Variants in PCSK2 observed in about 807,000 individuals in gnomAD.
PCSK2 encodes the protein proprotein convertase subtilisin/kexin type 2.
A neutral mutation model predicts 69.7 loss-of-function variants in PCSK2; 14 were observed. That is an observed-to-expected ratio of 0.20 (90% CI 0.13 to 0.31). The LOEUF is 0.31. PCSK2 is among the 10% of genes least tolerant of loss of function. The probability of loss-of-function intolerance (pLI) is 1.00; values close to 1 mark genes in which losing one functional copy is unlikely to be tolerated. For missense variants in PCSK2, 544 were observed against 842.5 expected, an observed-to-expected ratio of 0.65 and a Z score of 4.39; for synonymous variants, 307 against 320.7, an observed-to-expected ratio of 0.96 and a Z score of 0.46.
intron 6 of PCSK2, among the ~76,000 whole-genome samples, chr20:17,412,749 A>G (rs187332204): frequency 1.9e-3 from 296 of 152,350 alleles, no homozygotes; most frequent in African/African-American, 6.8e-3. Flanking sequence ...CAAAGTTGAA[A>G]TGAAGGAAAA....
At chr20:17,359,322 G>A (rs1010576214) in intron 3 of PCSK2, among the ~76,000 whole-genome samples, 5 of 152,164 alleles carry the variant, frequency 3.3e-5, no homozygotes, top group South Asian at 2.1e-4. Flanking sequence ...AATTGAATGA[G>A]TGTACTTGTA....
chr20:17,326,856 G>T (rs1990069539), intron 2 of PCSK2, among the ~76,000 whole-genome samples: 1 of 152,192 alleles, frequency 6.6e-6, no homozygotes, highest in African/African-American at 2.4e-5. Context: ...GCATGGAGAG[G>T]GCTCCTGTCA....
intron 8 of PCSK2, among the ~76,000 whole-genome samples, chr20:17,438,903 T>A (rs1223745794): frequency 6.6e-6 from 1 of 152,144 alleles, no homozygotes; most frequent in Non-Finnish European, 1.5e-5. Flanking sequence ...TGGAGTTCCT[T>A]CCCCTCTGTA....
intron 5 of PCSK2, among the ~76,000 whole-genome samples, chr20:17,380,171 CTA>C (rs1345782784): frequency 6.6e-6 from 1 of 152,178 alleles, no homozygotes; most frequent in African/African-American, 2.4e-5. Flanking sequence ...TTTTAAGCCA[CTA>C]TGTTTGTAAT....
At chr20:17,368,278 T>C (rs1325601351) in intron 4 of PCSK2, among the ~76,000 whole-genome samples, 1 of 152,148 alleles carries the variant, frequency 6.6e-6, no homozygotes, top group Non-Finnish European at 1.5e-5. Flanking sequence ...GCATACCACA[T>C]GCATTCATTT....
At chr20:17,351,313 CA>C (rs1345783929) in intron 2 of PCSK2, among the ~76,000 whole-genome samples, 3 of 152,002 alleles carry the variant, frequency 2.0e-5, no homozygotes, top group Non-Finnish European at 4.4e-5. Context: ...GAATCTATTC[CA>C]AAAAATCAAG....
chr20:17,473,870 C>T (rs1280852074), intron 11 of PCSK2, among the ~76,000 whole-genome samples: 1 of 152,178 alleles, frequency 6.6e-6, no homozygotes, highest in Non-Finnish European at 1.5e-5. Context: ...CCACATGTCT[C>T]CTCTCTCAGC....
intron 2 of PCSK2, among the ~76,000 whole-genome samples, chr20:17,357,731 C>T (rs2030249866): frequency 6.6e-6 from 1 of 151,902 alleles, no homozygotes; most frequent in Non-Finnish European, 1.5e-5. Flanking sequence ...CCTGTCTCTA[C>T]TAAAAATACA....
intron 2 of PCSK2, among the ~76,000 whole-genome samples, chr20:17,268,222 G>A (rs1051333979): frequency 1.3e-5 from 2 of 151,918 alleles, no homozygotes; most frequent in Admixed American, 1.3e-4. Context: ...GCACTCTTCT[G>A]CATACTGAAA....
At chr20:17,258,978 T>A (rs1568572809) in intron 1 of PCSK2, among the ~76,000 whole-genome samples, 1 of 151,820 alleles carries the variant, frequency 6.6e-6, no homozygotes, top group Non-Finnish European at 1.5e-5. Flanking sequence ...TTTTCTAAAT[T>A]TACTCTACAT....
chr20:17,367,399 T>C (rs1161730633), intron 4 of PCSK2, among the ~76,000 whole-genome samples: 1 of 152,226 alleles, frequency 6.6e-6, no homozygotes, highest in East Asian at 1.9e-4. Flanking sequence ...CTTTGCAAAG[T>C]AAATAATAGT....
At chr20:17,375,110 G>A (rs1230239830) in intron 5 of PCSK2, among the ~76,000 whole-genome samples, 1 of 152,140 alleles carries the variant, frequency 6.6e-6, no homozygotes, top group Non-Finnish European at 1.5e-5. Flanking sequence ...ATGCGTATCA[G>A]GCCTGGCACA....
chr20:17,292,464 G>T (rs1017194174), intron 2 of PCSK2, among the ~76,000 whole-genome samples: 12 of 152,148 alleles, frequency 7.9e-5, no homozygotes, highest in Admixed American at 3.3e-4. Flanking sequence ...TTTGTGTATG[G>T]TGTGATACAG....
At chr20:17,285,642 A>G (rs1012064234) in intron 2 of PCSK2, among the ~76,000 whole-genome samples, 7 of 152,266 alleles carry the variant, frequency 4.6e-5, no homozygotes, top group African/African-American at 1.7e-4. Context: ...AACTGCAGAC[A>G]GATTGGCCAC....
chr20:17,414,699 T>C (rs2031957689), intron 6 of PCSK2, among the ~76,000 whole-genome samples: 1 of 152,154 alleles, frequency 6.6e-6, no homozygotes, highest in South Asian at 2.1e-4. Flanking sequence ...GCCAGCATCA[T>C]CCTGATACCA....
chr20:17,228,458 G>A (rs972111375), intron 1 of PCSK2, among the ~76,000 whole-genome samples: 5 of 152,082 alleles, frequency 3.3e-5, no homozygotes, highest in Non-Finnish European at 5.9e-5. Context: ...GTCCTTAGGG[G>A]ACCTGGCGCA....
At chr20:17,380,351 C>T (rs2031053768) in intron 5 of PCSK2, among the ~76,000 whole-genome samples, 1 of 152,162 alleles carries the variant, frequency 6.6e-6, no homozygotes, top group Admixed American at 6.5e-5. Context: ...TAAGTATACT[C>T]TGCCTATTGC....
At chr20:17,303,399 ATGT>A (rs1989160840) in intron 2 of PCSK2, among the ~76,000 whole-genome samples, 1 of 112,810 alleles carries the variant, frequency 8.9e-6, no homozygotes, top group South Asian at 2.6e-4. Context: ...TATATAATAT[ATGT>A]AATATATATG....
At chr20:17,356,451 T>C (rs2030200083) in intron 2 of PCSK2, among the ~76,000 whole-genome samples, 1 of 152,152 alleles carries the variant, frequency 6.6e-6, no homozygotes, top group African/African-American at 2.4e-5. Flanking sequence ...CTCATGTCAG[T>C]GTGCAGAGTA....
Sources: allele counts gnomAD v4.1 joint callset (sites outside exome capture counted in the v4.1 genomes callset), GRCh38; gene constraint gnomAD v4.1.1; transcripts MANE v1.5; gene names NCBI Gene and HGNC (gene_info 2026-07-23, HGNC 2026-07-21).